SLC24A2: variants seen among roughly 807,000 people sequenced by gnomAD.
The protein encoded by SLC24A2 is sodium/potassium/calcium exchanger 2.
A neutral mutation model predicts 62.0 loss-of-function variants in SLC24A2; 36 were observed. The observed-to-expected ratio is 0.58, with a 90% CI of 0.44 to 0.77. The LOEUF is 0.77. SLC24A2 is among the 30% of genes least tolerant of loss of function. The pLI is 0.00. For missense variants in SLC24A2, 846 were observed against 817.9 expected (o/e 1.03, Z -0.42); for synonymous variants, 358 against 294.0 (o/e 1.22, Z -2.23).
the SLC24A2 span, among the ~76,000 whole-genome samples, chr9:20,178,481 C>G: frequency 1.3e-5 from 2 of 152,176 alleles, no homozygotes; most frequent in Non-Finnish European, 2.9e-5. Context: ...TAACTCCTTG[C>G]TGCCTTCTGT....
chr9:20,101,591 C>G, the SLC24A2 span, among the ~76,000 whole-genome samples: 86 of 152,222 alleles, frequency 5.6e-4, no homozygotes, highest in Middle Eastern at 3.4e-3. Context: ...AGACTAAACT[C>G]AGACATCTCT....
the SLC24A2 span, among the ~76,000 whole-genome samples, chr9:20,298,148 T>G: frequency 4.6e-5 from 7 of 152,326 alleles, no homozygotes; most frequent in East Asian, 1.3e-3. Context: ...TCCCAGAGAC[T>G]TTACATTCCC....
In SLC24A2 at chr9:19,625,352, T is replaced by G. The variant is rs79935767; in HGVS notation, c.931-3053A>C. ...CATTTATAAATAAATTTCCTATAGCTGTAGAAAAAGTCTGTTAAGCCAATC... is the reference window on the plus strand; with the variant it reads ...CATTTATAAATAAATTTCCTATAGCGGTAGAAAAAGTCTGTTAAGCCAATC... On this transcript the variant is annotated intron_variant, in intron 2 of 10. Coordinates refer to ENST00000341998, the MANE Select transcript of SLC24A2 (RefSeq NM_020344.4). Among the ~76,000 whole-genome samples, 1,505 of 152,290 alleles carry G rather than the reference T, an allele frequency of 9.9e-3. 38 individuals are homozygous for G. The highest frequency in any genetic ancestry group is 0.095 in the East Asian group (495 of 5,184).
rs145131284 is a variant in SLC24A2 at position 19,614,336 on chromosome 9, T to C, written c.1078+5248A>G. 3.4e-3 allele frequency among the ~76,000 whole-genome samples: 524 copies of C among 152,338 alleles called. 6 individuals are homozygous for C. Among genetic ancestry groups the C allele is most frequent in the African/African-American group, 0.011 (456 of 41,580 alleles). On this transcript the variant is annotated intron_variant, in intron 4 of 10. Coordinates refer to ENST00000341998, the MANE Select transcript of SLC24A2 (RefSeq NM_020344.4). ...TTCCATCTTTTCATGAACAATGTCC[T>C]GTTCAGAGTTTTGTGTCCCTGAAAA... is the stretch of plus-strand genomic sequence containing the variant.
At chr9:19,947,101 A>C in the SLC24A2 span, among the ~76,000 whole-genome samples, 1 of 152,146 alleles carries the variant, frequency 6.6e-6, no homozygotes, top group Non-Finnish European at 1.5e-5. Flanking sequence ...GGGAAATCAG[A>C]CTGTGAGATG....
chr9:19,734,614 C>T (rs879045826), intron 2 of SLC24A2, among the ~76,000 whole-genome samples: 3 of 152,066 alleles, frequency 2.0e-5, no homozygotes, highest in Admixed American at 1.3e-4. Context: ...CCCTTGTAAG[C>T]TGGATTCCTA....
At chr9:19,760,804 A>G (rs1362286768) in intron 2 of SLC24A2, among the ~76,000 whole-genome samples, 1 of 151,234 alleles carries the variant, frequency 6.6e-6, no homozygotes, top group Non-Finnish European at 1.5e-5. Context: ...TGTTTGTTCT[A>G]TCGCAAGGAC....
At chr9:20,120,580 G>A in the SLC24A2 span, among the ~76,000 whole-genome samples, 2 of 152,096 alleles carry the variant, frequency 1.3e-5, no homozygotes, top group African/African-American at 4.8e-5. Context: ...GGTGAGGACT[G>A]AAAAACTATC....
At chr9:20,303,122 A>AT in the SLC24A2 span, among the ~76,000 whole-genome samples, 1,362 of 151,848 alleles carry the variant, frequency 9.0e-3, 20 homozygotes, top group African/African-American at 0.031. Context: ...ATATATCTGT[A>AT]TTTTTTTTCT....
the SLC24A2 span, among the ~76,000 whole-genome samples, chr9:19,803,627 A>G: frequency 1.3e-5 from 2 of 152,210 alleles, no homozygotes; most frequent in South Asian, 2.1e-4. Context: ...TGTTTTCTCA[A>G]TAACTTTATA....
chr9:19,860,774 G>T, the SLC24A2 span, among the ~76,000 whole-genome samples: 1 of 152,100 alleles, frequency 6.6e-6, no homozygotes, highest in Admixed American at 6.6e-5. Flanking sequence ...AGAGCCCTTG[G>T]GCCTTAAGAG....
chr9:20,305,766 G>A, the SLC24A2 span, among the ~76,000 whole-genome samples: 78 of 152,274 alleles, frequency 5.1e-4, no homozygotes, highest in African/African-American at 1.8e-3. Flanking sequence ...AATGGCAAGC[G>A]GCTGAATTGG....
chr9:20,064,677 T>G, the SLC24A2 span, among the ~76,000 whole-genome samples: 2 of 152,200 alleles, frequency 1.3e-5, no homozygotes, highest in African/African-American at 2.4e-5. Context: ...TAATTGTCCT[T>G]TACTGCATTA....
chr9:19,645,151 T>A (rs1818606579), intron 2 of SLC24A2, among the ~76,000 whole-genome samples: 1 of 152,196 alleles, frequency 6.6e-6, no homozygotes, highest in Non-Finnish European at 1.5e-5. Flanking sequence ...GAGGGGCAAG[T>A]TACTAAGGAC....
intron 2 of SLC24A2, among the ~76,000 whole-genome samples, chr9:19,625,582 A>G (rs542299519): frequency 6.6e-6 from 1 of 152,290 alleles, no homozygotes; most frequent in African/African-American, 2.4e-5. Flanking sequence ...CCCCTTCTCA[A>G]TGACTCAAAT....
At chr9:19,570,511 C>G (rs7036524) in intron 7 of SLC24A2, among the ~76,000 whole-genome samples, 140,232 of 152,268 alleles carry the variant, frequency 0.92, 64,659 homozygotes, top group East Asian at 1. Context: ...AACGTTCACT[C>G]ATTATTTATA....
chr9:19,569,006 A>T (rs1243009667), intron 7 of SLC24A2, among the ~76,000 whole-genome samples: 2 of 152,174 alleles, frequency 1.3e-5, no homozygotes, highest in Non-Finnish European at 2.9e-5. Flanking sequence ...TTTTTTCACT[A>T]AACAACATGT....
At chr9:19,528,496 C>T (rs922186043) in intron 8 of SLC24A2, among the ~76,000 whole-genome samples, 1 of 152,162 alleles carries the variant, frequency 6.6e-6, no homozygotes, top group Non-Finnish European at 1.5e-5. Context: ...CTCCCTCCTC[C>T]TTTTTCTTTC....
chr9:19,926,644 T>C, the SLC24A2 span: 10 of 151,456 alleles, frequency 6.6e-5, no homozygotes, highest in African/African-American at 2.4e-4. Flanking sequence ...AGAATATTAG[T>C]CTGTGGTACT....
Sources: gnomAD v4.1 joint callset for allele counts (sites outside exome capture counted in the v4.1 genomes callset) on GRCh38, gnomAD v4.1.1 for gene constraint, MANE v1.5 for transcripts, NCBI Gene and HGNC (gene_info 2026-07-23, HGNC 2026-07-21) for gene names.